The following COG5 variants were observed in gnomAD, a reference collection of about 807,000 sequenced individuals.
COG5 encodes component of oligomeric golgi complex 5.
A neutral mutation model predicts 110.4 loss-of-function variants in COG5; 86 were observed. The observed-to-expected ratio is 0.78, with a 90% CI of 0.65 to 0.93. The LOEUF (loss-of-function observed/expected upper bound fraction) is 0.93. Among genes scored for constraint, COG5 ranks in the 40% least tolerant of loss-of-function variants. The pLI, the probability that COG5 is intolerant of heterozygous loss-of-function variation, is 0.00. For missense variants in COG5, 1,077 were observed against 987.0 expected (o/e 1.09, Z -1.22); for synonymous variants, 360 against 334.6 (o/e 1.08, Z -0.83).
At chr7:107,386,355 G>A (rs1179628947) in intron 7 of COG5, among the ~76,000 whole-genome samples, 2 of 152,034 alleles carry the variant, frequency 1.3e-5, no homozygotes, top group Non-Finnish European at 2.9e-5. Context: ...ACCCTCAGCT[G>A]GACTGACAAG....
chr7:107,507,322 G>A (rs1196368024), intron 6 of COG5, among the ~76,000 whole-genome samples: 15 of 144,046 alleles, frequency 1.0e-4, no homozygotes, highest in African/African-American at 3.6e-4. Flanking sequence ...TTGAGATGGA[G>A]TCTCGCTGTC....
At chr7:107,370,023 G>A (rs1275168525) in intron 8 of COG5, among the ~76,000 whole-genome samples, 1 of 151,598 alleles carries the variant, frequency 6.6e-6, no homozygotes, top group East Asian at 1.9e-4. Flanking sequence ...TTTTCTCTTG[G>A]GTTGTTTACC....
chr7:107,374,514 T>A (rs1217736599), intron 7 of COG5, among the ~76,000 whole-genome samples: 1 of 152,080 alleles, frequency 6.6e-6, no homozygotes, highest in Non-Finnish European at 1.5e-5. Context: ...GTAAGATTTA[T>A]GCATACAACA....
intron 11 of COG5, among the ~76,000 whole-genome samples, chr7:107,299,894 G>A (rs557507492): frequency 0.047 from 4,035 of 86,110 alleles, 193 homozygotes; most frequent in African/African-American, 0.13. Context: ...ATATATATAT[G>A]GAATTACATA....
intron 11 of COG5, among the ~76,000 whole-genome samples, chr7:107,317,474 A>G (rs1808862856): frequency 6.6e-6 from 1 of 152,186 alleles, no homozygotes; most frequent in East Asian, 1.9e-4. Flanking sequence ...ACATTCACAT[A>G]AGATTGAGAA....
intron 7 of COG5, among the ~76,000 whole-genome samples, chr7:107,379,386 G>C (rs780224396): frequency 2.6e-5 from 4 of 152,050 alleles, no homozygotes; most frequent in Non-Finnish European, 5.9e-5. Context: ...TAACCAGCTA[G>C]TATCATGATG....
At chr7:107,391,945 G>A (rs901246315) in intron 7 of COG5, among the ~76,000 whole-genome samples, 2 of 152,138 alleles carry the variant, frequency 1.3e-5, no homozygotes, top group Non-Finnish European at 2.9e-5. Context: ...ACAAAAATTA[G>A]CTGGGCATGG....
intron 14 of COG5, among the ~76,000 whole-genome samples, chr7:107,262,536 A>G (rs776721740): frequency 6.6e-6 from 1 of 152,128 alleles, no homozygotes; most frequent in African/African-American, 2.4e-5. Context: ...AACCAAGTCA[A>G]TGCCTGAGTG....
intron 6 of COG5, among the ~76,000 whole-genome samples, chr7:107,469,619 T>C (rs1796512520): frequency 6.6e-6 from 1 of 152,126 alleles, no homozygotes; most frequent in South Asian, 2.1e-4. Context: ...TATTTAAAAT[T>C]CACTGTGGCT....
At chr7:107,232,470 T>C (rs948215886) in intron 18 of COG5, among the ~76,000 whole-genome samples, 1 of 152,264 alleles carries the variant, frequency 6.6e-6, no homozygotes, top group Admixed American at 6.5e-5. Context: ...TGTCAATTTC[T>C]CAACTACTCT....
intron 19 of COG5, among the ~76,000 whole-genome samples, chr7:107,219,099 C>T (rs1799719203): frequency 6.6e-6 from 1 of 152,050 alleles, no homozygotes; most frequent in Non-Finnish European, 1.5e-5. Flanking sequence ...AAATGCTCAA[C>T]ATCACTAATC....
intron 21 of COG5, 88 bp downstream of exon 21, chr7:107,210,438 C>A: frequency 6.5e-7 from 1 of 1,538,692 alleles, no homozygotes; most frequent in Non-Finnish European, 8.8e-7. Flanking sequence ...GTCCATGCCC[C>A]CAGGCACTGC....
At chr7:107,516,472 A>G (rs572477473) in intron 6 of COG5, among the ~76,000 whole-genome samples, 116 of 152,356 alleles carry the variant, frequency 7.6e-4, no homozygotes, top group Non-Finnish European at 1.3e-3. Context: ...GATGAAATCT[A>G]ATTTATCAAC....
At chr7:107,225,641 T>C (rs1562921282) in intron 19 of COG5, among the ~76,000 whole-genome samples, 1 of 152,176 alleles carries the variant, frequency 6.6e-6, no homozygotes, top group Non-Finnish European at 1.5e-5. Flanking sequence ...GCCTACCGAG[T>C]AGCTGGGACC....
intron 5 of COG5, among the ~76,000 whole-genome samples, chr7:107,544,408 G>A (rs192661954): frequency 1.6e-4 from 24 of 152,284 alleles, no homozygotes; most frequent in Admixed American, 1.6e-3. Flanking sequence ...AATAGTCAAC[G>A]TGTCCACTCC....
intron 10 of COG5, among the ~76,000 whole-genome samples, chr7:107,325,348 T>A (rs1253830040): frequency 6.6e-6 from 1 of 152,148 alleles, no homozygotes; most frequent in Non-Finnish European, 1.5e-5. Context: ...CAACTTCATA[T>A]GGTTCAAAGT....
At chr7:107,411,368 G>A (rs1050705384) in intron 7 of COG5, among the ~76,000 whole-genome samples, 1 of 151,400 alleles carries the variant, frequency 6.6e-6, no homozygotes, top group African/African-American at 2.4e-5. Context: ...TTTAAACGGT[G>A]TAACAGTTTC....
chr7:107,408,467 G>A (rs1236170035), intron 7 of COG5, among the ~76,000 whole-genome samples: 1 of 152,210 alleles, frequency 6.6e-6, no homozygotes, highest in African/African-American at 2.4e-5. Flanking sequence ...ATGGAATAAT[G>A]TGGATGATAC....
intron 7 of COG5, among the ~76,000 whole-genome samples, chr7:107,396,622 A>G (rs147823173): frequency 6.6e-5 from 10 of 152,220 alleles, no homozygotes; most frequent in Admixed American, 2.0e-4. Flanking sequence ...AGAAAGTGAT[A>G]CACCGAGTGC....
Sources: allele counts gnomAD v4.1 joint callset (sites outside exome capture counted in the v4.1 genomes callset), GRCh38; gene constraint gnomAD v4.1.1; transcripts MANE v1.5; gene names NCBI Gene and HGNC (gene_info 2026-07-23, HGNC 2026-07-21).